Variants in DCC observed in about 807,000 individuals in gnomAD.
DCC encodes DCC netrin 1 receptor.
In DCC, 58 loss-of-function variants were observed where a neutral mutation model predicts 172.5. The observed-to-expected ratio is 0.34, with a 90% confidence interval of 0.27 to 0.42. The LOEUF is 0.42. Among genes scored for constraint, DCC ranks in the 10% least tolerant of loss-of-function variants. The pLI, the probability that DCC is intolerant of heterozygous loss-of-function variation, is 1.00. For missense variants in DCC, 1,740 were observed against 1,791.0 expected (o/e 0.97, Z 0.51); for synonymous variants, 709 against 644.5 (o/e 1.10, Z -1.52).
At chr18:53,227,104 A>T (rs1453590390) in intron 12 of DCC, among the ~76,000 whole-genome samples, 4 of 150,250 alleles carry the variant, frequency 2.7e-5, no homozygotes, top group Non-Finnish European at 5.9e-5. Context: ...GAGTGCCACC[A>T]CCCTAGCTAA....
chr18:52,664,199 A>G (rs1249272463), intron 1 of DCC, among the ~76,000 whole-genome samples: 1 of 152,194 alleles, frequency 6.6e-6, no homozygotes, highest in Non-Finnish European at 1.5e-5. Flanking sequence ...TTAGGCATGA[A>G]CAAATCAGAG....
At chr18:52,509,052 G>T (rs545727334) in intron 1 of DCC, among the ~76,000 whole-genome samples, 2 of 152,172 alleles carry the variant, frequency 1.3e-5, no homozygotes, top group Non-Finnish European at 2.9e-5. Context: ...TTGGAAAGAC[G>T]TTTTTGAAGT....
intron 5 of DCC, among the ~76,000 whole-genome samples, chr18:52,960,182 A>C (rs1460895526): frequency 6.6e-6 from 1 of 151,906 alleles, no homozygotes; most frequent in African/African-American, 2.4e-5. Context: ...GATTTTAAAA[A>C]ATTTCTAGGT....
At position 52,387,574 on chromosome 18, in the gene DCC, T is replaced by TCTTCCTTCCTTCCTTCCTTCCTTCCTTC. The variant is rs58543615; in HGVS notation, c.91+46729_91+46756dup. On this transcript the variant is annotated intron_variant, in intron 1 of 28. Coordinates refer to ENST00000442544, the MANE Select transcript of DCC (RefSeq NM_005215.4). ...CAAAGCCAGGCTGTTTTGTTTTGTT[T>TCTTCCTTCCTTCCTTCCTTCCTTCCTTC]CTTCCTTCCTTCCTTCCTTCCTTCC... Among the ~76,000 whole-genome samples the TCTTCCTTCCTTCCTTCCTTCCTTCCTTC allele has an allele frequency of 2.5e-4, 30 of 122,084 alleles. 1 individual carries two copies. The highest frequency in any genetic ancestry group is 2.9e-4 in the South Asian group (1 of 3,496). 80.1% of individuals were successfully genotyped at this position (122,084 alleles called of 152,430 possible).
intron 1 of DCC, among the ~76,000 whole-genome samples, chr18:52,417,304 G>GT (rs1987073482): frequency 6.6e-6 from 1 of 152,018 alleles, no homozygotes; most frequent in Admixed American, 6.6e-5. Context: ...TGCCCTTAAC[G>GT]TTTTTTCCTT....
chr18:52,644,511 G>T (rs528533562), intron 1 of DCC, among the ~76,000 whole-genome samples: 1 of 150,778 alleles, frequency 6.6e-6, no homozygotes, highest in African/African-American at 2.4e-5. Flanking sequence ...CCTGGGAGGC[G>T]GAGCTTGCGG....
intron 2 of DCC, among the ~76,000 whole-genome samples, chr18:52,830,154 A>G (rs1179564399): frequency 6.6e-6 from 1 of 152,182 alleles, no homozygotes; most frequent in East Asian, 1.9e-4. Context: ...GTGGAGATAC[A>G]ATAGGAAGCC....
intron 2 of DCC, among the ~76,000 whole-genome samples, chr18:52,854,624 T>C (rs975367126): frequency 2.6e-5 from 4 of 152,218 alleles, no homozygotes; most frequent in Admixed American, 2.0e-4. Flanking sequence ...ACATGCACCC[T>C]AGACATGCCA....
At chr18:52,920,692 G>A (rs2040110422) in intron 3 of DCC, among the ~76,000 whole-genome samples, 1 of 152,114 alleles carries the variant, frequency 6.6e-6, no homozygotes, top group South Asian at 2.1e-4. Context: ...ATTTAATTGA[G>A]TTGAAAATTT....
At position 52,923,242 on chromosome 18, in the gene DCC, G is replaced by A. The variant is rs145482729; in HGVS notation, c.698-465G>A. On this transcript the variant is annotated intron_variant, in intron 3 of 28. Transcript: ENST00000442544. Reference sequence around the variant, plus strand: ...GTATTCTACTCTTCAGTACCTGTACGCTATTTAATACAATTTGAATATGTC... The same window carrying A: ...GTATTCTACTCTTCAGTACCTGTACACTATTTAATACAATTTGAATATGTC... Among the ~76,000 whole-genome samples, 502 of 152,126 alleles carry A rather than the reference G, an allele frequency of 3.3e-3. 3 individuals carry two copies. The highest frequency in any genetic ancestry group is 9.7e-3 in the African/African-American group (404 of 41,522).
chr18:52,363,779 C>T (rs1984723829), intron 1 of DCC, among the ~76,000 whole-genome samples: 1 of 152,178 alleles, frequency 6.6e-6, no homozygotes, highest in Non-Finnish European at 1.5e-5. Context: ...TCCAGGGCCT[C>T]CCAATGTGCC....
At chr18:52,910,547 T>C (rs1308399811) in intron 3 of DCC, among the ~76,000 whole-genome samples, 1 of 152,152 alleles carries the variant, frequency 6.6e-6, no homozygotes, top group Admixed American at 6.6e-5. Context: ...TGTTTTACAA[T>C]GTCTGATTGT....
At chr18:53,158,305 T>A (rs1485781143) in intron 8 of DCC, among the ~76,000 whole-genome samples, 1 of 152,202 alleles carries the variant, frequency 6.6e-6, no homozygotes, top group East Asian at 1.9e-4. Context: ...ATATCTGGTT[T>A]CAAGATTACA....
chr18:52,898,713 T>A (rs540094798), intron 2 of DCC, among the ~76,000 whole-genome samples: 1 of 151,216 alleles, frequency 6.6e-6, no homozygotes, highest in East Asian at 2.0e-4. Context: ...TTTTTTTTTT[T>A]AGCATCACAA....
At chr18:53,421,253 T>C (rs1485196713) in intron 21 of DCC, among the ~76,000 whole-genome samples, 1 of 152,184 alleles carries the variant, frequency 6.6e-6, no homozygotes, top group African/African-American at 2.4e-5. Context: ...TGAGCAGAAA[T>C]GTTTACTCTT....
chr18:53,167,660 T>C (rs2054942840), intron 8 of DCC, among the ~76,000 whole-genome samples: 1 of 152,222 alleles, frequency 6.6e-6, no homozygotes, highest in Admixed American at 6.6e-5. Flanking sequence ...GCTCAGTGAA[T>C]CTATATGCTA....
chr18:52,608,819 G>A (rs535900730), intron 1 of DCC, among the ~76,000 whole-genome samples: 1 of 152,262 alleles, frequency 6.6e-6, no homozygotes, highest in South Asian at 2.1e-4. Context: ...CTAAAACTAG[G>A]AGAGTGGGAT....
chr18:52,413,165 C>A (rs1025638291), intron 1 of DCC, among the ~76,000 whole-genome samples: 1 of 151,168 alleles, frequency 6.6e-6, no homozygotes, highest in Middle Eastern at 3.5e-3. Context: ...AATAATATAT[C>A]CACATTACCC....
chr18:52,363,369 G>A (rs1016057241), intron 1 of DCC, among the ~76,000 whole-genome samples: 1 of 152,158 alleles, frequency 6.6e-6, no homozygotes, highest in Non-Finnish European at 1.5e-5. Flanking sequence ...TCAGGTTCAT[G>A]AGGTCACCCT....
Sources: allele counts gnomAD v4.1 joint callset (sites outside exome capture counted in the v4.1 genomes callset), GRCh38; gene constraint gnomAD v4.1.1; transcripts MANE v1.5; gene names NCBI Gene and HGNC (gene_info 2026-07-23, HGNC 2026-07-21).